WDR70: variants seen among roughly 807,000 people sequenced by gnomAD.
WDR70 encodes the protein WD repeat-containing protein 70.
In WDR70, 53 loss-of-function variants were observed where a neutral mutation model predicts 88.6. The observed-to-expected ratio is 0.60, with a 90% CI of 0.48 to 0.75. The LOEUF is 0.75. WDR70 is among the 30% of genes least tolerant of loss of function. The probability of loss-of-function intolerance (pLI) is 0.00; values close to 1 mark genes in which losing one functional copy is unlikely to be tolerated. For synonymous variants in WDR70, 280 were observed against 270.0 expected (o/e 1.04, Z -0.36); for missense variants, 610 against 823.2 (o/e 0.74, Z 3.17).
chr5:37,728,367 A>C (rs577305147), intron 17 of WDR70, among the ~76,000 whole-genome samples: 27 of 149,614 alleles, frequency 1.8e-4, no homozygotes, highest in South Asian at 1.3e-3. Context: ...AAAAAAACAA[A>C]AAAAAAAAAC....
At chr5:37,388,158 C>T (rs1430965460) in intron 3 of WDR70, among the ~76,000 whole-genome samples, 2 of 151,860 alleles carry the variant, frequency 1.3e-5, no homozygotes, top group African/African-American at 2.4e-5. Context: ...CTCTCTCTGT[C>T]GCCCAGGCTA....
intron 5 of WDR70, among the ~76,000 whole-genome samples, chr5:37,425,232 CAG>C (rs1750085226): frequency 6.6e-6 from 1 of 152,140 alleles, no homozygotes; most frequent in African/African-American, 2.4e-5. Flanking sequence ...GCTTGGGTGA[CAG>C]AGTGAGACCC....
chr5:37,613,428 A>G (rs577068965), intron 10 of WDR70, among the ~76,000 whole-genome samples: 70 of 152,292 alleles, frequency 4.6e-4, no homozygotes, highest in African/African-American at 1.6e-3. Flanking sequence ...ATGGTAACTG[A>G]CTTAGCCACC....
chr5:37,455,239 C>CT (rs1738794046), intron 7 of WDR70, among the ~76,000 whole-genome samples: 1 of 135,252 alleles, frequency 7.4e-6, no homozygotes, highest in African/African-American at 2.7e-5. Flanking sequence ...TGATTTCTTT[C>CT]TTTCTTTTTT....
At chr5:37,437,526 T>A (rs73749035) in intron 5 of WDR70, among the ~76,000 whole-genome samples, 16 of 152,158 alleles carry the variant, frequency 1.1e-4, no homozygotes, top group Admixed American at 2.0e-4. Context: ...ATCAACCTTT[T>A]CGCTCCTCTT....
At chr5:37,461,904 T>G (rs1238173368) in intron 7 of WDR70, among the ~76,000 whole-genome samples, 2 of 152,194 alleles carry the variant, frequency 1.3e-5, no homozygotes, top group African/African-American at 4.8e-5. Context: ...TGACAGCTGC[T>G]TCCATAAGGG....
At chr5:37,415,794 C>A (rs1386539911) in intron 5 of WDR70, among the ~76,000 whole-genome samples, 2 of 141,406 alleles carry the variant, frequency 1.4e-5, no homozygotes, top group East Asian at 2.4e-4. Flanking sequence ...ACTTCTCAGA[C>A]GGGGCGGCCG....
chr5:37,421,676 G>A (rs558610877), intron 5 of WDR70, among the ~76,000 whole-genome samples: 2 of 152,158 alleles, frequency 1.3e-5, no homozygotes, highest in South Asian at 4.1e-4. Flanking sequence ...CTTCTAAAAA[G>A]ATGCTTTGTT....
intron 9 of WDR70, among the ~76,000 whole-genome samples, chr5:37,587,702 T>C (rs925170759): frequency 6.6e-6 from 1 of 152,122 alleles, no homozygotes. Context: ...TTTGTTGAAT[T>C]GTAGTCCTAT....
At chr5:37,520,886 T>C (rs1420836740) in intron 9 of WDR70, among the ~76,000 whole-genome samples, 1 of 152,200 alleles carries the variant, frequency 6.6e-6, no homozygotes, top group Non-Finnish European at 1.5e-5. Flanking sequence ...CATAACTACT[T>C]TGAGACTTAT....
At chr5:37,715,645 A>G (rs1252938650) in intron 13 of WDR70, among the ~76,000 whole-genome samples, 2 of 152,164 alleles carry the variant, frequency 1.3e-5, no homozygotes, top group Non-Finnish European at 2.9e-5. Flanking sequence ...TGAGAAAAGC[A>G]AGGCTTTGGG....
At chr5:37,470,954 C>G (rs527928153) in intron 7 of WDR70, among the ~76,000 whole-genome samples, 126 of 151,644 alleles carry the variant, frequency 8.3e-4, no homozygotes, top group African/African-American at 3.0e-3. Context: ...GTGGCACAAT[C>G]TCAGCTCACT....
At chr5:37,391,293 C>T (rs1470833324) in intron 3 of WDR70, among the ~76,000 whole-genome samples, 1 of 152,100 alleles carries the variant, frequency 6.6e-6, no homozygotes, top group Admixed American at 6.6e-5. Context: ...ATAAAATACA[C>T]ATAAAATGTA....
At chr5:37,430,870 T>A (rs1750281427) in intron 5 of WDR70, among the ~76,000 whole-genome samples, 1 of 152,066 alleles carries the variant, frequency 6.6e-6, no homozygotes, top group African/African-American at 2.4e-5. Flanking sequence ...TGTGTATGTA[T>A]ACAGTTTTTT....
chr5:37,624,471 G>A (rs1744610181), intron 10 of WDR70, among the ~76,000 whole-genome samples: 1 of 151,848 alleles, frequency 6.6e-6, no homozygotes, highest in African/African-American at 2.4e-5. Flanking sequence ...TCCATATTTT[G>A]GCTGTTGTGA....
At chr5:37,440,459 C>T (rs1301895686) in intron 6 of WDR70, among the ~76,000 whole-genome samples, 1 of 152,154 alleles carries the variant, frequency 6.6e-6, no homozygotes, top group Non-Finnish European at 1.5e-5. Flanking sequence ...GATTCTCCTG[C>T]CTCAGCCTCC....
intron 4 of WDR70, among the ~76,000 whole-genome samples, chr5:37,395,339 A>G (rs768932007): frequency 1.3e-5 from 2 of 152,026 alleles, no homozygotes; most frequent in Non-Finnish European, 2.9e-5. Context: ...AACCTGCGTT[A>G]TATTGTTGTT....
intron 9 of WDR70, among the ~76,000 whole-genome samples, chr5:37,586,699 A>C: frequency 6.6e-6 from 1 of 151,248 alleles, no homozygotes; most frequent in Admixed American, 6.6e-5. Context: ...GCTTCCTAAC[A>C]CTTCCCTCTC....
At chr5:37,568,225 T>C (rs901820348) in intron 9 of WDR70, among the ~76,000 whole-genome samples, 5 of 152,206 alleles carry the variant, frequency 3.3e-5, no homozygotes, top group Non-Finnish European at 5.9e-5. Context: ...AGGAGAATTT[T>C]ATCTCTGTAG....
Sources: gnomAD v4.1 joint callset for allele counts (sites outside exome capture counted in the v4.1 genomes callset) on GRCh38, gnomAD v4.1.1 for gene constraint, MANE v1.5 for transcripts, NCBI Gene and HGNC (gene_info 2026-07-23, HGNC 2026-07-21) for gene names.